Variants in HNRNPA1L2 observed in about 807,000 individuals in gnomAD.
The protein encoded by HNRNPA1L2 is heterogeneous nuclear ribonucleoprotein A1-like 2.
A neutral mutation model predicts 18.2 loss-of-function variants in HNRNPA1L2; 10 were observed. That is an observed-to-expected ratio of 0.55 (90% CI 0.34 to 0.93). The LOEUF (loss-of-function observed/expected upper bound fraction) is 0.93, where lower values mean the gene tolerates loss of function less well. HNRNPA1L2 is among the 40% of genes least tolerant of loss of function. HNRNPA1L2 has a pLI of 0.02. For missense variants in HNRNPA1L2, 308 were observed against 394.4 expected (o/e 0.78, Z 1.85); for synonymous variants, 124 against 138.6 (o/e 0.89, Z 0.74).
chr13:52,620,377 A>G, the HNRNPA1L2 span, among the ~76,000 whole-genome samples: 1 of 152,310 alleles, frequency 6.6e-6, no homozygotes, highest in Non-Finnish European at 1.5e-5. Flanking sequence ...CCACTGACCT[A>G]ACGTCTGTGG....
chr13:52,620,473 G>C, the HNRNPA1L2 span, among the ~76,000 whole-genome samples: 4 of 152,240 alleles, frequency 2.6e-5, no homozygotes, highest in Admixed American at 2.0e-4. Context: ...CATAGCTACT[G>C]TAATGTGGTC....
chr13:52,621,170 G>T, the HNRNPA1L2 span, among the ~76,000 whole-genome samples: 1 of 152,188 alleles, frequency 6.6e-6, no homozygotes, highest in African/African-American at 2.4e-5. Context: ...GAGTTACTTA[G>T]AATTAGGACA....
the HNRNPA1L2 span, among the ~76,000 whole-genome samples, chr13:52,624,582 C>T: frequency 6.6e-6 from 1 of 152,112 alleles, no homozygotes; most frequent in Non-Finnish European, 1.5e-5. Context: ...ACATTTGGCC[C>T]TCTGTATGCG....
At chr13:52,633,534 T>A in the HNRNPA1L2 span, among the ~76,000 whole-genome samples, 1 of 152,184 alleles carries the variant, frequency 6.6e-6, no homozygotes, top group South Asian at 2.1e-4. Context: ...AGTTAGTTTT[T>A]TGGATTTTGA....
the HNRNPA1L2 span, among the ~76,000 whole-genome samples, chr13:52,623,481 A>C: frequency 2.0e-5 from 3 of 152,184 alleles, no homozygotes; most frequent in African/African-American, 7.2e-5. Context: ...GATGTATGTA[A>C]AATATATGCC....
chr13:52,639,694 C>CAAAAAAAAAAAAAA (rs10661534), upstream of HNRNPA1L2, among the ~76,000 whole-genome samples: 15 of 73,542 alleles, frequency 2.0e-4, no homozygotes, highest in South Asian at 1.1e-3. Context: ...GACCCTGTCT[C>CAAAAAAAAAAAAAA]AAAAAAAAAA....
At chr13:52,639,474 G>C (rs61959578), upstream of HNRNPA1L2, among the ~76,000 whole-genome samples, 9,261 of 152,132 alleles carry the variant, frequency 0.061, 327 homozygotes, top group African/African-American at 0.093. Context: ...TTCCTGTATT[G>C]CTTTTAAATT....
the HNRNPA1L2 span, chr13:52,617,570 G>A: frequency 8.9e-6 from 4 of 449,228 alleles, no homozygotes; most frequent in Middle Eastern, 3.5e-4. Flanking sequence ...GTTTCCTAGA[G>A]TCTCGGCGTT....
At chr13:52,633,707 G>A in the HNRNPA1L2 span, among the ~76,000 whole-genome samples, 1 of 152,136 alleles carries the variant, frequency 6.6e-6, no homozygotes, top group Non-Finnish European at 1.5e-5. Flanking sequence ...TAGCAACCTG[G>A]GAGGTTGAGG....
At chr13:52,620,941 T>G in the HNRNPA1L2 span, among the ~76,000 whole-genome samples, 41 of 152,230 alleles carry the variant, frequency 2.7e-4, 1 homozygote, top group East Asian at 7.5e-3. Flanking sequence ...GCACATCAGC[T>G]TCATATAAGT....
chr13:52,640,798 G>A (rs1961632293), upstream of HNRNPA1L2: 1 of 152,222 alleles, frequency 6.6e-6, no homozygotes, highest in African/African-American at 2.4e-5. Context: ...TAGTACCTTA[G>A]TTGGGGAGCT....
At chr13:52,625,048 T>C in the HNRNPA1L2 span, among the ~76,000 whole-genome samples, 3 of 151,754 alleles carry the variant, frequency 2.0e-5, no homozygotes, top group South Asian at 4.2e-4. Context: ...AAAAAAAAGT[T>C]ATGAAGGGGA....
chr13:52,635,428 T>C, the HNRNPA1L2 span, among the ~76,000 whole-genome samples: 3 of 151,360 alleles, frequency 2.0e-5, no homozygotes, highest in Non-Finnish European at 4.4e-5. Context: ...GAGAGTGATA[T>C]TCATTTTCTT....
rs376848381 is a variant in HNRNPA1L2 at position 52,643,437 on chromosome 13, C to G, written c.945C>G (p.Gly315=). The G allele has an allele frequency of 1.0e-5, 16 of 1,597,880 alleles. No homozygotes were observed. The African/African-American group carries it at 1.9e-4, about 19-fold the overall frequency. ...YGVSSSSSSY[G]SGRRF is the part of the protein sequence containing the mutation. ...TTTCCAGCAGCAGCAGTAGCTATGG[C>G]AGTGGCAGAAGATTTTAATTAGGAA... is the stretch of plus-strand genomic sequence containing the variant. The change falls in exon 1 of 1, where the codon GGC becomes GGG. Residue 315 remains glycine (G), a synonymous_variant. Transcript: ENST00000357495.
upstream of HNRNPA1L2, among the ~76,000 whole-genome samples, chr13:52,638,461 C>A (rs902371025): frequency 1.3e-5 from 2 of 152,116 alleles, no homozygotes; most frequent in African/African-American, 4.8e-5. Flanking sequence ...CTTCATTTAA[C>A]CATTTACACA....
the HNRNPA1L2 span, among the ~76,000 whole-genome samples, chr13:52,632,657 CTG>C: frequency 2.0e-5 from 3 of 152,058 alleles, no homozygotes; most frequent in Admixed American, 2.0e-4. Context: ...AAACTTGGGA[CTG>C]TAAATTGGGA....
At chr13:52,628,156 G>GAA in the HNRNPA1L2 span, among the ~76,000 whole-genome samples, 1 of 152,166 alleles carries the variant, frequency 6.6e-6, no homozygotes, top group African/African-American at 2.4e-5. Context: ...GAAGTTAAAA[G>GAA]AAATGGCCAT....
chr13:52,637,203 T>C, the HNRNPA1L2 span: 1 of 153,754 alleles, frequency 6.5e-6, no homozygotes, highest in East Asian at 1.9e-4. Context: ...ATTATGAGTG[T>C]CAAGGTATTA....
chr13:52,624,967 A>G, the HNRNPA1L2 span, among the ~76,000 whole-genome samples: 1 of 152,054 alleles, frequency 6.6e-6, no homozygotes, highest in Non-Finnish European at 1.5e-5. Flanking sequence ...GGAGGTGGAC[A>G]ATGCAGTGAG....
Sources: allele counts gnomAD v4.1 joint callset (sites outside exome capture counted in the v4.1 genomes callset), GRCh38; gene constraint gnomAD v4.1.1; transcripts MANE v1.5; gene names NCBI Gene and HGNC (gene_info 2026-07-23, HGNC 2026-07-21).